ARID4B: variants seen among roughly 807,000 people sequenced by gnomAD.
ARID4B encodes AT-rich interactive domain-containing protein 4B.
ARID4B carries 26 observed loss-of-function variants against 147.5 expected under a neutral mutation model. The observed-to-expected ratio is 0.18, with a 90% CI of 0.13 to 0.24. The LOEUF is 0.24. Ranked by LOEUF, ARID4B falls within the 10% of genes least tolerant of loss-of-function variation. The probability of loss-of-function intolerance (pLI) is 1.00; values close to 1 mark genes in which losing one functional copy is unlikely to be tolerated. For synonymous variants in ARID4B, 512 were observed against 507.9 expected (o/e 1.01, Z -0.11); for missense variants, 1,179 against 1,511.5 (o/e 0.78, Z 3.65).
At chr1:235,170,789 T>C (rs1057141649) in intron 23 of ARID4B, among the ~76,000 whole-genome samples, 2 of 151,584 alleles carry the variant, frequency 1.3e-5, no homozygotes, top group African/African-American at 4.9e-5. Context: ...GGCACGCACC[T>C]GTAGTCCTAG....
At chr1:235,234,366 G>C (rs1376258103) in intron 9 of ARID4B, 47 bp downstream of exon 9, 30 of 1,184,342 alleles carry the variant, frequency 2.5e-5, no homozygotes, top group Non-Finnish European at 3.7e-5. Flanking sequence ...CAAAATAACA[G>C]CATATATTTA....
At position 235,168,197 on chromosome 1, in the gene ARID4B, T is replaced by TA. The variant is rs1208464227; in HGVS notation, c.*327dup. 3 of 242,698 alleles carry TA rather than the reference T, an allele frequency of 1.2e-5. No individual in the cohort carries two copies. The highest frequency in any genetic ancestry group is 2.2e-5 in the African/African-American group (1 of 45,356). The allele number at this position is 242,698 out of a possible 1,614,324, so 15.0% of individuals were successfully genotyped here. On this transcript the variant is annotated 3_prime_UTR_variant, in exon 24 of 24. Coordinates refer to ENST00000264183, the MANE Select transcript of ARID4B (RefSeq NM_016374.6). The stretch of plus-strand genomic sequence containing the variant: ...GGAATACATATACAGTAAGTTATCT[T>TA]AACATGTTCTGACCCACCCCTTAAC...
In ARID4B at chr1:235,173,742, TAAAAAAAAAA is replaced by T. The variant is rs755815257; in HGVS notation, c.3665-988_3665-979del. 4.2e-3 allele frequency among the ~76,000 whole-genome samples: 109 copies of T among 26,188 alleles called. 1 individual carries two copies. Among genetic ancestry groups the T allele is most frequent in the African/African-American group, 0.011 (70 of 6,560 alleles). The allele number at this position is 26,188 out of a possible 152,430, so 17.2% of individuals were successfully genotyped here. On this transcript the variant is annotated intron_variant, in intron 22 of 23. Coordinates refer to ENST00000264183, the MANE Select transcript of ARID4B (RefSeq NM_016374.6). ...AACATAATGAGACCTCGTCTCTATT[TAAAAAAAAAA>T]AAAAAAAAAAAAAAAAAAAATATAT... is the stretch of plus-strand genomic sequence containing the variant.
At chr1:235,208,388 TAGAG>T (rs1206589496) in intron 17 of ARID4B, among the ~76,000 whole-genome samples, 9 of 152,258 alleles carry the variant, frequency 5.9e-5, no homozygotes, top group Admixed American at 4.6e-4. Context: ...AAAAGTTAAA[TAGAG>T]AGCCTACTAT....
chr1:235,263,432 T>G (rs889014838), intron 2 of ARID4B, among the ~76,000 whole-genome samples: 2 of 152,208 alleles, frequency 1.3e-5, no homozygotes, highest in Non-Finnish European at 2.9e-5. Flanking sequence ...TAGCAACATT[T>G]CAACTACAGC....
intron 17 of ARID4B, among the ~76,000 whole-genome samples, chr1:235,201,022 G>A (rs1345475320): frequency 6.6e-6 from 1 of 152,094 alleles, no homozygotes; most frequent in Non-Finnish European, 1.5e-5. Context: ...GCGGGCACCT[G>A]TAGTCCCAGA....
intron 2 of ARID4B, among the ~76,000 whole-genome samples, chr1:235,313,306 G>C (rs1172902327): frequency 6.6e-6 from 1 of 151,876 alleles, no homozygotes; most frequent in African/African-American, 2.4e-5. Flanking sequence ...CTAGGATTAC[G>C]GGCATGACCC....
intron 17 of ARID4B, among the ~76,000 whole-genome samples, chr1:235,204,179 G>A (rs1189647310): frequency 2.0e-5 from 3 of 152,064 alleles, no homozygotes; most frequent in Admixed American, 6.6e-5. Flanking sequence ...AAAATTAGCC[G>A]GGCATGGTGG....
chr1:235,320,825 A>C (rs1476550478), intron 2 of ARID4B, among the ~76,000 whole-genome samples: 1 of 152,174 alleles, frequency 6.6e-6, no homozygotes, highest in African/African-American at 2.4e-5. Context: ...CCTCCCCCAG[A>C]AACCTGAATG....
chr1:235,238,263 G>C (rs1284590238), intron 8 of ARID4B, among the ~76,000 whole-genome samples: 1 of 152,080 alleles, frequency 6.6e-6, no homozygotes, highest in Non-Finnish European at 1.5e-5. Context: ...ACAGAACTTG[G>C]TATATGATAA....
intron 2 of ARID4B, among the ~76,000 whole-genome samples, chr1:235,301,528 C>T (rs1572191758): frequency 7.1e-6 from 1 of 141,382 alleles, no homozygotes; most frequent in Middle Eastern, 3.6e-3. Flanking sequence ...GAGTGAGACC[C>T]TATTTCTTTT....
intron 7 of ARID4B, among the ~76,000 whole-genome samples, chr1:235,245,709 C>A (rs1227128555): frequency 6.6e-6 from 1 of 152,018 alleles, no homozygotes. Flanking sequence ...TGAAATTTTT[C>A]ATGTCAGTAT....
At chr1:235,270,528 T>C (rs1670914332) in intron 2 of ARID4B, among the ~76,000 whole-genome samples, 2 of 152,218 alleles carry the variant, frequency 1.3e-5, no homozygotes, top group Admixed American at 6.5e-5. Context: ...GATATCTGCA[T>C]AGTCACAAAT....
intron 2 of ARID4B, among the ~76,000 whole-genome samples, chr1:235,319,390 T>G (rs912324873): frequency 3.9e-5 from 6 of 152,234 alleles, no homozygotes; most frequent in African/African-American, 1.4e-4. Context: ...CGTGCACCTC[T>G]GGTCCCAGCT....
rs761501746 is a variant in ARID4B at position 235,169,659 on chromosome 1, CT to C, written c.3812-1008del. ...CACGCCATTCTCCTGCCTCAGCCTC[CT>C]TTTTTTTTTTTTTCCTTTGAGATGG... On this transcript the variant is annotated intron_variant, in intron 23 of 23. Coordinates refer to ENST00000264183, the MANE Select transcript of ARID4B (RefSeq NM_016374.6). 5.9e-3 allele frequency among the ~76,000 whole-genome samples: 840 copies of C among 143,472 alleles called. 1 individual carries two copies. The highest frequency in any genetic ancestry group is 0.026 in the Middle Eastern group (7 of 274). 94.1% of individuals were successfully genotyped at this position (143,472 alleles called of 152,430 possible). A position where few individuals can be genotyped will look rare whatever the true frequency, so the allele number is the denominator to read the frequency against.
intron 2 of ARID4B, among the ~76,000 whole-genome samples, chr1:235,323,641 C>T (rs1340744874): frequency 6.6e-6 from 1 of 151,740 alleles, no homozygotes; most frequent in Non-Finnish European, 1.5e-5. Context: ...AAAATTAGCC[C>T]GGCATGATGG....
chr1:235,207,900 G>A (rs1290348574), intron 17 of ARID4B, among the ~76,000 whole-genome samples: 2 of 152,084 alleles, frequency 1.3e-5, no homozygotes, highest in Non-Finnish European at 2.9e-5. Flanking sequence ...AATATATTTA[G>A]CATAATTTAG....
At chr1:235,279,933 AT>A (rs1671560383) in intron 2 of ARID4B, among the ~76,000 whole-genome samples, 1 of 152,132 alleles carries the variant, frequency 6.6e-6, no homozygotes, top group Non-Finnish European at 1.5e-5. Context: ...ACCGGGAGAA[AT>A]TTGCACCTGG....
At chr1:235,296,237 TG>T (rs1672697768) in intron 2 of ARID4B, 1 of 155,110 alleles carries the variant, frequency 6.4e-6, no homozygotes, top group Non-Finnish European at 1.4e-5. Context: ...GGCACTGACA[TG>T]GCCAATATCA....
Sources: allele counts gnomAD v4.1 joint callset (sites outside exome capture counted in the v4.1 genomes callset), GRCh38; gene constraint gnomAD v4.1.1; transcripts MANE v1.5; gene names NCBI Gene and HGNC (gene_info 2026-07-23, HGNC 2026-07-21).